CMIP: variants seen among roughly 807,000 people sequenced by gnomAD.
CMIP encodes the protein C-Maf-inducing protein.
A neutral mutation model predicts 97.3 loss-of-function variants in CMIP; 13 were observed. That is an observed-to-expected ratio of 0.13 (90% CI 0.09 to 0.21). CMIP has a LOEUF of 0.21. Ranked by LOEUF, CMIP falls within the 10% of genes least tolerant of loss-of-function variation. The pLI is 1.00. For synonymous variants in CMIP, 538 were observed against 436.3 expected, an observed-to-expected ratio of 1.23 and a Z score of -2.91; for missense variants, 847 against 1,024.9, an observed-to-expected ratio of 0.83 and a Z score of 2.37.
chr16:81,558,659 C>CA (rs1190635670), intron 1 of CMIP, among the ~76,000 whole-genome samples: 2 of 152,164 alleles, frequency 1.3e-5, no homozygotes, highest in Non-Finnish European at 2.9e-5. Context: ...GCAGGCCAGC[C>CA]AGGCAGGCTG....
At chr16:81,610,373 C>T in intron 2 of CMIP, 1 of 985,564 alleles carries the variant, frequency 1.0e-6, no homozygotes, top group Non-Finnish European at 1.2e-6. Context: ...GCTCACTGCC[C>T]CCTGATCCCG....
intron 13 of CMIP, among the ~76,000 whole-genome samples, chr16:81,694,727 G>C (rs1906505135): frequency 6.6e-6 from 1 of 152,156 alleles, no homozygotes; most frequent in Admixed American, 6.5e-5. Flanking sequence ...GATGCGTTTT[G>C]AACAAGCATC....
At chr16:81,677,590 A>G (rs1904402121) in intron 9 of CMIP, among the ~76,000 whole-genome samples, 1 of 152,300 alleles carries the variant, frequency 6.6e-6, no homozygotes, top group East Asian at 1.9e-4. Context: ...GCCTAATTTC[A>G]TCTTGTTTGC....
intron 1 of CMIP, among the ~76,000 whole-genome samples, chr16:81,572,717 C>G (rs1386655443): frequency 6.6e-6 from 1 of 152,182 alleles, no homozygotes; most frequent in African/African-American, 2.4e-5. Flanking sequence ...CCCTGCTTGC[C>G]CTGGTGGCCC....
intron 2 of CMIP, 77 bp from the exon 3 acceptor site, chr16:81,620,799 C>A: frequency 6.4e-7 from 1 of 1,564,708 alleles, no homozygotes; most frequent in South Asian, 1.1e-5. Flanking sequence ...CTTGGGGGCT[C>A]ACATGCTGGC....
intron 1 of CMIP, among the ~76,000 whole-genome samples, chr16:81,539,940 C>T (rs2090417655): frequency 6.6e-6 from 1 of 152,216 alleles, no homozygotes; most frequent in Non-Finnish European, 1.5e-5. Flanking sequence ...TACAACTCTG[C>T]CCCCAGCCCT....
intron 1 of CMIP, among the ~76,000 whole-genome samples, chr16:81,555,204 A>G (rs1447189448): frequency 6.6e-6 from 1 of 152,202 alleles, no homozygotes; most frequent in African/African-American, 2.4e-5. Context: ...CGATGTTGTC[A>G]TTGTTATAAT....
Position 81,707,101 on chromosome 16 carries a change from T to C in CMIP, c.2268+17T>C. 1 of 1,605,898 alleles carries C rather than the reference T, an allele frequency of 6.2e-7. No homozygotes were observed. Among genetic ancestry groups the C allele is most frequent in the South Asian group, 1.1e-5 (1 of 90,918 alleles). ...GATCTGAAGGTAATTCCCTCCTTCC[T>C]CCCCACTCTCCTCCCCTCCTTCTTC... On this transcript the variant is annotated intron_variant, in intron 20 of 20. Transcript: ENST00000537098.
intron 1 of CMIP, among the ~76,000 whole-genome samples, chr16:81,516,566 G>A (rs146584978): frequency 1.4e-3 from 211 of 152,214 alleles, no homozygotes; most frequent in African/African-American, 3.9e-3. Flanking sequence ...TCAGCTCATC[G>A]CCGTCAGAGG....
At chr16:81,663,299 T>TAAA (rs34171718) in intron 6 of CMIP, among the ~76,000 whole-genome samples, 1 of 144,400 alleles carries the variant, frequency 6.9e-6, no homozygotes. Context: ...TATTCAGCAC[T>TAAA]AAAAAAAAAA....
intron 1 of CMIP, among the ~76,000 whole-genome samples, chr16:81,605,399 C>T (rs966099816): frequency 1.3e-5 from 2 of 151,948 alleles, no homozygotes; most frequent in Non-Finnish European, 2.9e-5. Flanking sequence ...AGCCTTGTCG[C>T]TCACCTGGAC....
chr16:81,645,209 C>A (rs1389156242), intron 3 of CMIP: 2 of 349,108 alleles, frequency 5.7e-6, no homozygotes, highest in East Asian at 7.4e-5. Flanking sequence ...CGCTGTAGGA[C>A]CTGCACTGGA....
At chr16:81,636,558 G>C (rs962614410) in intron 3 of CMIP, among the ~76,000 whole-genome samples, 1 of 144,028 alleles carries the variant, frequency 6.9e-6, no homozygotes, top group African/African-American at 2.6e-5. Flanking sequence ...TCCAGCCTGG[G>C]TTACAGAGTG....
rs561766711 is a variant in CMIP, at chr16:81,586,016, C to T, written c.301-21551C>T. Among the ~76,000 whole-genome samples, 5 of 152,088 alleles carry T rather than the reference C, an allele frequency of 3.3e-5. No individual in the cohort carries two copies. In the East Asian group the frequency reaches 5.8e-4, roughly 18 times the overall value. The stretch of plus-strand genomic sequence containing the variant: ...GTGAACGTGTGGTCCAGGGAACAAA[C>T]GCATGGCATTCTCACAGCCGGACTC... On this transcript the variant is annotated intron_variant, in intron 1 of 20. Coordinates refer to ENST00000537098, the MANE Select transcript of CMIP (RefSeq NM_198390.3).
intron 3 of CMIP, chr16:81,645,761 ACTACT>A: frequency 1.3e-6 from 1 of 740,758 alleles, no homozygotes; most frequent in Non-Finnish European, 2.3e-6. Flanking sequence ...ACCTCCCTGG[ACTACT>A]CCTTTACAGA....
rs531125622 is a variant in CMIP at position 81,626,830 on chromosome 16, G to T, written c.477+5904G>T. 2.0e-4 allele frequency among the ~76,000 whole-genome samples: 27 copies of T among 137,984 alleles called. 1 individual carries two copies. The East Asian group carries it at 2.9e-3, about 15-fold the overall frequency. The allele number at this position is 137,984 out of a possible 152,430, so 90.5% of individuals were successfully genotyped here. A position where few individuals can be genotyped will look rare whatever the true frequency, so the allele number is the denominator to read the frequency against. Reference sequence around the variant, plus strand: ...GTGTGTGTGTGTGGGGTGCATATGGGGTGACTATTTTATGAGTGTGTGTGT... The same window carrying T: ...GTGTGTGTGTGTGGGGTGCATATGGTGTGACTATTTTATGAGTGTGTGTGT... On this transcript the variant is annotated intron_variant, in intron 3 of 20. Coordinates refer to ENST00000537098, the MANE Select transcript of CMIP (RefSeq NM_198390.3).
At chr16:81,536,353 G>C (rs1354532053) in intron 1 of CMIP, among the ~76,000 whole-genome samples, 1 of 152,136 alleles carries the variant, frequency 6.6e-6, no homozygotes, top group Non-Finnish European at 1.5e-5. Flanking sequence ...GATGGACCCA[G>C]TGTGGCCTGT....
chr16:81,628,501 C>A (rs12599630), intron 3 of CMIP, among the ~76,000 whole-genome samples: 9 of 151,972 alleles, frequency 5.9e-5, no homozygotes, highest in African/African-American at 1.5e-4. Context: ...CCTGTTCCTC[C>A]TCTTCTCCCT....
At chr16:81,661,492 G>A (rs796931928) in intron 6 of CMIP, among the ~76,000 whole-genome samples, 1 of 152,198 alleles carries the variant, frequency 6.6e-6, no homozygotes, top group Non-Finnish European at 1.5e-5. Context: ...TTTGCTGTGT[G>A]GTTTTTTTAG....
Sources: allele counts gnomAD v4.1 joint callset (sites outside exome capture counted in the v4.1 genomes callset), GRCh38; gene constraint gnomAD v4.1.1; transcripts MANE v1.5; gene names NCBI Gene and HGNC (gene_info 2026-07-23, HGNC 2026-07-21).